Variants in NPAS2 observed in about 807,000 individuals in gnomAD.
NPAS2 encodes the protein neuronal PAS domain-containing protein 2.
NPAS2 carries 23 observed loss-of-function variants against 107.5 expected under a neutral mutation model. The ratio of observed to expected loss-of-function variants is 0.21; its 90% CI spans 0.15 to 0.30. NPAS2 has a LOEUF of 0.30. Among genes scored for constraint, NPAS2 ranks in the 10% least tolerant of loss-of-function variants. The pLI, the probability that NPAS2 is intolerant of heterozygous loss-of-function variation, is 1.00. For missense variants in NPAS2, 756 were observed against 1,043.3 expected (o/e 0.72, Z 3.79); for synonymous variants, 403 against 417.5 (o/e 0.97, Z 0.42).
At chr2:100,860,984 C>T (rs1047502630) in intron 1 of NPAS2, among the ~76,000 whole-genome samples, 3 of 151,952 alleles carry the variant, frequency 2.0e-5, no homozygotes, top group African/African-American at 7.3e-5. Flanking sequence ...AGGGCTCAAG[C>T]GATCCTCTCA....
In NPAS2 at chr2:100,982,310, G is replaced by A. The variant is rs755101176; in HGVS notation, c.1562G>A (p.Arg521Gln). 6.2e-6 allele frequency: 10 copies of A among 1,614,160 alleles called. No individual in the cohort carries two copies. The highest frequency in any genetic ancestry group is 3.3e-4 in the Middle Eastern group (2 of 6,062). Residue 521 changes from arginine (R) to glutamine (Q), a missense_variant, in exon 16 of 21, where the codon CGG becomes CAG. Physicochemically the swap from Arg to Gln is conservative, Grantham distance 43. Around this residue, in one of 4 missense-constraint regions of NPAS2, gnomAD observed 496 missense variants for 594.4 expected, o/e 0.83. Transcript: ENST00000335681. The part of the protein sequence containing the change: ...QRTRILQANI[R>Q]WQQEELHKIQ... ...ACGCGGATCCTGCAGGCCAATATCC[G>A]GTGGCAACAGGAAGAGCTCCACAAG...
Position 100,905,057 on chromosome 2 carries a change from T to C in NPAS2, c.32+271T>C, listed in dbSNP as rs565095668. Reference sequence around the variant, plus strand: ...TGCTCCTGTGTACCCCTGTTGACACTGGTCATCTTTCAGGGCTTCTGGTTA... The same window carrying C: ...TGCTCCTGTGTACCCCTGTTGACACCGGTCATCTTTCAGGGCTTCTGGTTA... On this transcript the variant is annotated intron_variant, in intron 2 of 20. Coordinates refer to ENST00000335681, the MANE Select transcript of NPAS2 (RefSeq NM_002518.4). Among the ~76,000 whole-genome samples, 11 of 152,346 alleles carry C rather than the reference T, an allele frequency of 7.2e-5. No individual in the cohort carries two copies. In the South Asian group the frequency reaches 1.7e-3, roughly 23 times the overall value.
At chr2:100,904,006 G>A (rs948747879) in intron 1 of NPAS2, among the ~76,000 whole-genome samples, 14 of 152,166 alleles carry the variant, frequency 9.2e-5, no homozygotes, top group Non-Finnish European at 1.6e-4. Flanking sequence ...AACATTCCTG[G>A]ATTGTTACGT....
chr2:100,853,276 C>T (rs889689465), intron 1 of NPAS2, among the ~76,000 whole-genome samples: 15 of 152,172 alleles, frequency 9.9e-5, no homozygotes, highest in African/African-American at 3.6e-4. Flanking sequence ...AGTAAGCGAA[C>T]GAATCTTGGT....
At chr2:100,926,922 CT>C (rs1683603331) in intron 3 of NPAS2, among the ~76,000 whole-genome samples, 1 of 148,282 alleles carries the variant, frequency 6.7e-6, no homozygotes, top group Non-Finnish European at 1.5e-5. Context: ...GGTTTATAAC[CT>C]TTTTTCTTTT....
At chr2:100,865,382 C>G (rs545682232) in intron 1 of NPAS2, among the ~76,000 whole-genome samples, 2 of 152,140 alleles carry the variant, frequency 1.3e-5, no homozygotes, top group Non-Finnish European at 2.9e-5. Flanking sequence ...AGCCTGGACT[C>G]CTGTCTGCTT....
In NPAS2 at chr2:100,921,262, T is replaced by A. The variant is rs929864989; in HGVS notation, c.33-3884T>A. Among the ~76,000 whole-genome samples, 3 of 152,342 alleles carry A rather than the reference T, an allele frequency of 2.0e-5. No homozygotes were observed. In the East Asian group the frequency reaches 5.8e-4, roughly 29 times the overall value. ...ACACAGCCTCTCAGTGCCTCGCTCC[T>A]TCCCCTTGGAATGGAAATGCAATAG... On this transcript the variant is annotated intron_variant, in intron 2 of 20. Transcript: ENST00000335681.
chr2:100,911,525 A>G (rs1426535046), intron 2 of NPAS2, among the ~76,000 whole-genome samples: 2 of 152,186 alleles, frequency 1.3e-5, no homozygotes, highest in African/African-American at 4.8e-5. Context: ...CCCAGGTTCA[A>G]GCAATTCTCC....
At chr2:100,946,239 G>GAGGGGTAGAACCTGCTTTCAAGC (rs1303238529) in intron 5 of NPAS2, among the ~76,000 whole-genome samples, 1 of 152,196 alleles carries the variant, frequency 6.6e-6, no homozygotes, top group East Asian at 1.9e-4. Context: ...ATGCAGCATG[G>GAGGGGTAGAACCTGCTTTCAAGC]AGGGGTAGAA....
At chr2:100,984,273 C>T (rs1222120461) in intron 16 of NPAS2, 1 of 152,080 alleles carries the variant, frequency 6.6e-6, no homozygotes, top group Non-Finnish European at 1.5e-5. Context: ...TTTTGTAAGA[C>T]TTAAAGAAAT....
At chr2:100,966,846 C>T (rs1558919953) in intron 10 of NPAS2, among the ~76,000 whole-genome samples, 2 of 152,096 alleles carry the variant, frequency 1.3e-5, no homozygotes, top group Non-Finnish European at 2.9e-5. Flanking sequence ...ATCTGCTCAC[C>T]TCGGCCTCCC....
intron 1 of NPAS2, among the ~76,000 whole-genome samples, chr2:100,837,560 G>T (rs58394241): frequency 0.18 from 26,683 of 152,002 alleles, 2,470 homozygotes; most frequent in East Asian, 0.24. Flanking sequence ...TGATCCACCC[G>T]CCTTGGCCTC....
chr2:100,843,540 T>G (rs1677579940), intron 1 of NPAS2, among the ~76,000 whole-genome samples: 1 of 152,188 alleles, frequency 6.6e-6, no homozygotes, highest in South Asian at 2.1e-4. Flanking sequence ...TCACTGCAAG[T>G]TTTCAGTATG....
intron 3 of NPAS2, among the ~76,000 whole-genome samples, chr2:100,932,344 C>T (rs1684011330): frequency 6.6e-6 from 1 of 152,120 alleles, no homozygotes; most frequent in Non-Finnish European, 1.5e-5. Context: ...ATAGATTAAC[C>T]CCAAAAAGTT....
chr2:100,965,523 A>C lies in NPAS2; in HGVS notation c.801-137A>C. The C allele has an allele frequency of 1.7e-6, 1 of 593,046 alleles. No homozygotes were observed. The highest frequency in any genetic ancestry group is 3.0e-6 in the Non-Finnish European group (1 of 335,194). The allele number at this position is 593,046 out of a possible 1,614,324, so 36.7% of individuals were successfully genotyped here. On this transcript the variant is annotated intron_variant, in intron 9 of 20. Coordinates refer to ENST00000335681, the MANE Select transcript of NPAS2 (RefSeq NM_002518.4). This position sits in a 1 kb window ranked among gnomAD's most constrained non-coding sequence, Gnocchi z 4.3. Reference sequence around the variant, plus strand: ...AAACACAGCCTCTCTGATTTTGACCATTACAAAGTTATTTTTCTCCCCTTG... The same window carrying C: ...AAACACAGCCTCTCTGATTTTGACCCTTACAAAGTTATTTTTCTCCCCTTG...
Position 100,965,095 on chromosome 2 carries a change from T to A in NPAS2, c.800+152T>A. 1 of 559,850 alleles carries A rather than the reference T, an allele frequency of 1.8e-6. No individual in the cohort carries two copies. The highest frequency in any genetic ancestry group is 2.0e-5 in the African/African-American group (1 of 50,584). The allele number at this position is 559,850 out of a possible 1,614,324, so 34.7% of individuals were successfully genotyped here. A position where few individuals can be genotyped will look rare whatever the true frequency, so the allele number is the denominator to read the frequency against. On this transcript the variant is annotated intron_variant, in intron 9 of 20. Transcript: ENST00000335681. The surrounding 1 kb of genome is among the most constrained non-coding windows in gnomAD (Gnocchi z 4.3). ...AAAAGTCGTCCCTGCCAAGGGTGGG[T>A]GGTTTCCCTCCAACTTCATCTGCCC...
intron 2 of NPAS2, among the ~76,000 whole-genome samples, chr2:100,910,673 C>T (rs1187597259): frequency 6.6e-6 from 1 of 152,064 alleles, no homozygotes; most frequent in Non-Finnish European, 1.5e-5. Flanking sequence ...GGATTACAGG[C>T]GTCCACCACC....
chr2:100,990,719 G>T, intron 18 of NPAS2, 61 bp from the exon 19 acceptor site: 2 of 1,451,090 alleles, frequency 1.4e-6, no homozygotes, highest in South Asian at 2.3e-5. Flanking sequence ...GTGCTGCCAC[G>T]ACCAGTGGGT....
intron 1 of NPAS2, among the ~76,000 whole-genome samples, chr2:100,867,138 G>T (rs1679304047): frequency 6.6e-6 from 1 of 151,200 alleles, no homozygotes; most frequent in African/African-American, 2.5e-5. Context: ...ATATTTGTTT[G>T]TTGCGTGCTT....
Sources: gnomAD v4.1 joint callset for allele counts (sites outside exome capture counted in the v4.1 genomes callset) on GRCh38, gnomAD v4.1.1 for gene constraint, gnomAD v4.1.1 regional missense constraint, Gnocchi (gnomAD v3.1) non-coding constraint, MANE v1.5 for transcripts, NCBI Gene and HGNC (gene_info 2026-07-23, HGNC 2026-07-21) for gene names.